Variants in FER observed in about 807,000 individuals in gnomAD.
FER encodes FER tyrosine kinase.
In FER, 63 loss-of-function variants were observed where a neutral mutation model predicts 111.0. The ratio of observed to expected loss-of-function variants is 0.57; its 90% CI spans 0.46 to 0.70. The LOEUF (loss-of-function observed/expected upper bound fraction) is 0.70, where lower values mean the gene tolerates loss of function less well. FER is among the 30% of genes least tolerant of loss of function. FER has a pLI of 0.00. For missense variants in FER, 914 were observed against 954.0 expected (o/e 0.96, Z 0.55); for synonymous variants, 327 against 313.9 (o/e 1.04, Z -0.44).
intron 10 of FER, among the ~76,000 whole-genome samples, chr5:108,922,823 A>G (rs1481797615): frequency 6.6e-6 from 1 of 152,194 alleles, no homozygotes; most frequent in Admixed American, 6.5e-5. Flanking sequence ...CAAAATTAAT[A>G]AATTGTTAAT....
chr5:108,909,702 A>T (rs1443627326), intron 10 of FER, among the ~76,000 whole-genome samples: 5 of 151,992 alleles, frequency 3.3e-5, no homozygotes, highest in Admixed American at 3.3e-4. Flanking sequence ...GAAGGGTACC[A>T]CATAGTTAAG....
intron 13 of FER, among the ~76,000 whole-genome samples, chr5:109,006,244 T>C (rs1039361448): frequency 2.6e-5 from 4 of 152,212 alleles, no homozygotes; most frequent in African/African-American, 7.2e-5. Context: ...TGAGCAGTTA[T>C]ATTGAGCTAC....
chr5:108,972,626 C>CT (rs543723092), intron 13 of FER, among the ~76,000 whole-genome samples: 346 of 152,218 alleles, frequency 2.3e-3, no homozygotes, highest in African/African-American at 7.9e-3. Context: ...TTTTTACTCA[C>CT]TTTTTTGTAT....
chr5:108,788,318 G>A (rs148020081), intron 2 of FER, among the ~76,000 whole-genome samples: 81 of 152,150 alleles, frequency 5.3e-4, no homozygotes, highest in African/African-American at 1.7e-3. Context: ...GACAGATCCC[G>A]CGCTTGCTCA....
intron 1 of FER, among the ~76,000 whole-genome samples, chr5:108,766,132 A>C (rs1234412208): frequency 1.3e-5 from 2 of 152,136 alleles, no homozygotes; most frequent in East Asian, 3.9e-4. Flanking sequence ...GGCTCTCACT[A>C]TGTTGTCCAG....
chr5:109,088,500 G>A (rs1028230520), intron 16 of FER, among the ~76,000 whole-genome samples: 1 of 152,018 alleles, frequency 6.6e-6, no homozygotes, highest in Non-Finnish European at 1.5e-5. Flanking sequence ...ATTTTTAGGT[G>A]AACAGTATTC....
intron 9 of FER, among the ~76,000 whole-genome samples, chr5:108,893,440 T>G (rs891476446): frequency 6.6e-6 from 1 of 152,102 alleles, no homozygotes; most frequent in African/African-American, 2.4e-5. Flanking sequence ...GTATAATAGT[T>G]TGAGATTTTA....
chr5:108,855,894 G>A (rs1014492956), intron 5 of FER, among the ~76,000 whole-genome samples: 1 of 151,568 alleles, frequency 6.6e-6, no homozygotes, highest in South Asian at 2.1e-4. Context: ...TTGCGGTAAA[G>A]GGGAGGAATG....
At chr5:108,859,967 A>G (rs1763355431) in intron 5 of FER, among the ~76,000 whole-genome samples, 1 of 147,738 alleles carries the variant, frequency 6.8e-6, no homozygotes, top group Admixed American at 6.7e-5. Context: ...TTTGAGATGG[A>G]GTCTCTCTCT....
chr5:108,839,316 A>G (rs539017526), intron 5 of FER, among the ~76,000 whole-genome samples: 200 of 152,328 alleles, frequency 1.3e-3, no homozygotes, highest in African/African-American at 4.3e-3. Flanking sequence ...GGGGCTAGCC[A>G]AAAATGAAAG....
intron 16 of FER, chr5:109,051,556 T>C (rs1772830313): frequency 7.5e-6 from 12 of 1,610,378 alleles, no homozygotes; most frequent in Non-Finnish European, 1.0e-5. Context: ...TGCTTGCTTG[T>C]CGTAATTGCG....
chr5:108,953,857 A>T (rs1758076873), intron 11 of FER, among the ~76,000 whole-genome samples: 1 of 152,082 alleles, frequency 6.6e-6, no homozygotes, highest in Non-Finnish European at 1.5e-5. Context: ...TACTCTCTCT[A>T]TCTGGAGCAG....
At chr5:108,932,741 T>C (rs887399055) in intron 10 of FER, among the ~76,000 whole-genome samples, 4 of 152,184 alleles carry the variant, frequency 2.6e-5, no homozygotes, top group African/African-American at 9.7e-5. Context: ...TTGTATCTCA[T>C]TGTGGTTTTG....
At chr5:108,984,459 G>C (rs1309481656) in intron 13 of FER, among the ~76,000 whole-genome samples, 1 of 151,944 alleles carries the variant, frequency 6.6e-6, no homozygotes, top group East Asian at 1.9e-4. Context: ...TTGTTTGAAG[G>C]ATCATCAAAG....
intron 8 of FER, among the ~76,000 whole-genome samples, chr5:108,879,699 A>ATATACATATATAT (rs1165401708): frequency 1.1e-5 from 1 of 93,526 alleles, no homozygotes; most frequent in African/African-American, 5.9e-5. Context: ...AGATTAAAAA[A>ATATACATATATAT]AAATATATAT....
intron 16 of FER, among the ~76,000 whole-genome samples, chr5:109,059,059 G>A (rs1774035885): frequency 6.6e-6 from 1 of 151,924 alleles, no homozygotes; most frequent in Non-Finnish European, 1.5e-5. Flanking sequence ...CTATTTTCAA[G>A]TTAAACCTTG....
chr5:108,964,260 AGT>A (rs1374248584), intron 13 of FER, among the ~76,000 whole-genome samples: 1 of 152,094 alleles, frequency 6.6e-6, no homozygotes, highest in Non-Finnish European at 1.5e-5. Context: ...GTGTTTAGGT[AGT>A]GTGTGTGTAT....
At position 108,825,031 on chromosome 5, in the gene FER, AAAG is replaced by A. The variant is rs1216430519; in HGVS notation, c.208-7738_208-7736del. Among the ~76,000 whole-genome samples the A allele has an allele frequency of 7.2e-5, 11 of 152,262 alleles. No individual in the cohort carries two copies. In the East Asian group the frequency reaches 2.1e-3, roughly 29 times the overall value. Reference sequence around the variant, plus strand: ...GCGAATAGGTGTGGGTGACAGACAAAAAGTACTTAACAGGGTAATAGAATATCA... The same window carrying A: ...GCGAATAGGTGTGGGTGACAGACAAATACTTAACAGGGTAATAGAATATCA... On this transcript the variant is annotated intron_variant, in intron 3 of 19. Coordinates refer to ENST00000281092, the MANE Select transcript of FER (RefSeq NM_005246.4).
chr5:108,828,680 G>T (rs1221291215), intron 3 of FER, among the ~76,000 whole-genome samples: 5 of 152,018 alleles, frequency 3.3e-5, no homozygotes, highest in African/African-American at 7.2e-5. Flanking sequence ...ATAACTTTCA[G>T]CATCAGTGAC....
Sources: allele counts gnomAD v4.1 joint callset (sites outside exome capture counted in the v4.1 genomes callset), GRCh38; gene constraint gnomAD v4.1.1; transcripts MANE v1.5; gene names NCBI Gene and HGNC (gene_info 2026-07-23, HGNC 2026-07-21).